The following SPATA13 variants were observed in gnomAD, a reference collection of about 807,000 sequenced individuals.
SPATA13 encodes the protein spermatogenesis associated 13.
Under a neutral mutation model 104.0 loss-of-function variants are expected in SPATA13, and 50 were observed. The ratio of observed to expected loss-of-function variants is 0.48; its 90% confidence interval spans 0.38 to 0.61. The LOEUF (loss-of-function observed/expected upper bound fraction) is 0.61, where lower values mean the gene tolerates loss of function less well. Ranked by LOEUF, SPATA13 falls within the 20% of genes least tolerant of loss-of-function variation. The pLI, the probability that SPATA13 is intolerant of heterozygous loss-of-function variation, is 0.00. For missense variants in SPATA13, 1,524 were observed against 1,690.6 expected, an observed-to-expected ratio of 0.90 and a Z score of 1.73; for synonymous variants, 606 against 667.5, an observed-to-expected ratio of 0.91 and a Z score of 1.42.
rs191356720 is a variant in SPATA13 at position 24,227,372 on chromosome 13, C to T, written c.1653+2790C>T. On this transcript the variant is annotated intron_variant, in intron 2 of 12. Coordinates refer to ENST00000382108, the MANE Select transcript of SPATA13 (RefSeq NM_001166271.3). ...AGTTATTTGCCAGGGTGATTTTGAC[C>T]ATTTTATGGTTTTATATGTATATTT... Among the ~76,000 whole-genome samples, 20 of 152,160 alleles carry T rather than the reference C, an allele frequency of 1.3e-4. No individual in the cohort carries two copies. In the East Asian group the frequency reaches 3.1e-3, roughly 23 times the overall value.
upstream of SPATA13, among the ~76,000 whole-genome samples, chr13:24,157,431 T>G (rs1347962248): frequency 6.6e-6 from 1 of 152,178 alleles, no homozygotes; most frequent in Non-Finnish European, 1.5e-5. Context: ...CCGGAGTAGC[T>G]GGGACTACAG....
chr13:24,109,076 A>G (rs1303398794), intron 3 of SPATA13, among the ~76,000 whole-genome samples: 1 of 152,108 alleles, frequency 6.6e-6, no homozygotes, highest in Non-Finnish European at 1.5e-5. Context: ...ACTCATTTAC[A>G]TTAGGTATTT....
chr13:24,044,883 A>AGGAGGGGGTGGG (rs1485690361), intron 3 of SPATA13, among the ~76,000 whole-genome samples: 2 of 3,912 alleles, frequency 5.1e-4, no homozygotes, highest in Non-Finnish European at 8.7e-4. Flanking sequence ...TGGTTTCCAG[A>AGGAGGGGGTGGG]GGAGGGGGTG....
chr13:24,287,030 C>G, intron 7 of SPATA13, 80 bp downstream of exon 7: 2 of 1,195,232 alleles, frequency 1.7e-6, no homozygotes, highest in South Asian at 1.5e-5. Flanking sequence ...CCCACCTCCA[C>G]CCCCCGCCCC....
chr13:24,038,415 C>T (rs557404437), intron 3 of SPATA13, among the ~76,000 whole-genome samples: 9 of 152,300 alleles, frequency 5.9e-5, no homozygotes, highest in African/African-American at 2.2e-4. Flanking sequence ...CCAACATAGT[C>T]TGTGTTGGGA....
chr13:24,242,754 T>C (rs891012446), intron 2 of SPATA13, among the ~76,000 whole-genome samples: 2 of 152,176 alleles, frequency 1.3e-5, no homozygotes, highest in African/African-American at 2.4e-5. Context: ...CTCAAACTTA[T>C]CTCTTTCTGC....
At chr13:24,095,586 A>G (rs980777490) in intron 3 of SPATA13, among the ~76,000 whole-genome samples, 5 of 152,248 alleles carry the variant, frequency 3.3e-5, no homozygotes, top group African/African-American at 1.2e-4. Flanking sequence ...ATATTTTGCC[A>G]CAGTTAAAAA....
chr13:24,021,464 G>A (rs1279647237), intron 3 of SPATA13, among the ~76,000 whole-genome samples: 2 of 152,208 alleles, frequency 1.3e-5, no homozygotes, highest in Non-Finnish European at 2.9e-5. Context: ...CTCTACTCCA[G>A]TCTGGGTGAC....
chr13:24,233,025 T>G (rs1021675001), intron 2 of SPATA13, among the ~76,000 whole-genome samples: 4 of 152,214 alleles, frequency 2.6e-5, no homozygotes, highest in Non-Finnish European at 1.5e-5. Context: ...TGCCCCATGT[T>G]TAGTTGTTTT....
chr13:24,264,631 T>A (rs1024855689), intron 4 of SPATA13, among the ~76,000 whole-genome samples: 1 of 152,232 alleles, frequency 6.6e-6, no homozygotes, highest in East Asian at 1.9e-4. Flanking sequence ...ATAATTGCCT[T>A]CTATTAAGAC....
chr13:24,141,799 A>AT (rs1206943923), intron 3 of SPATA13, among the ~76,000 whole-genome samples: 3 of 152,286 alleles, frequency 2.0e-5, no homozygotes, highest in Non-Finnish European at 4.4e-5. Flanking sequence ...GAACGTTGTT[A>AT]TTTTTTCTAA....
intron 7 of SPATA13, among the ~76,000 whole-genome samples, chr13:24,287,834 G>A (rs1055046036): frequency 6.6e-6 from 1 of 152,200 alleles, no homozygotes; most frequent in East Asian, 1.9e-4. Context: ...TATGGATTGT[G>A]TACGAGCATC....
At position 24,294,805 on chromosome 13, in the gene SPATA13, C is replaced by G. The variant is rs769050534; in HGVS notation, c.3147C>G (p.Arg1049=). Residue 1049 remains arginine, a synonymous_variant, in exon 10 of 13, where the codon CGC becomes CGG. Coordinates refer to ENST00000382108, the MANE Select transcript of SPATA13 (RefSeq NM_001166271.3). ...MKNVACLINE[R]KRKLESIDKI... is the part of the protein sequence containing the mutation. ...ATGTGGCCTGTCTGATCAACGAGCGCAAGCGCAAGCTGGAGAGCATCGACA... is the reference window on the plus strand; with the variant it reads ...ATGTGGCCTGTCTGATCAACGAGCGGAAGCGCAAGCTGGAGAGCATCGACA... The G allele has an allele frequency of 1.3e-5, 21 of 1,611,466 alleles. 1 individual carries two copies. In the East Asian group the frequency reaches 1.6e-4, roughly 12 times the overall value.
chr13:23,980,632 G>T (rs369111933), intron 1 of SPATA13, among the ~76,000 whole-genome samples: 19 of 152,256 alleles, frequency 1.2e-4, no homozygotes, highest in African/African-American at 4.3e-4. Context: ...TTACTTTGTC[G>T]CCCAGGTTGG....
rs779735248 is a variant in SPATA13, at chr13:24,300,395, A to G, written c.3584-6A>G. The G allele has an allele frequency of 6.2e-7, 1 of 1,612,222 alleles. No homozygotes were observed. The highest frequency in any genetic ancestry group is 1.7e-5 in the Admixed American group (1 of 59,738). The stretch of plus-strand genomic sequence containing the variant: ...GAATATATATCACATTTATTTCTAA[A>G]TGCAGGAATGGAAATTTCAGAAAAC... On this transcript the variant is annotated splice_region_variant and splice_polypyrimidine_tract_variant and intron_variant, in intron 11 of 12. Coordinates refer to ENST00000382108, the MANE Select transcript of SPATA13 (RefSeq NM_001166271.3).
At chr13:24,218,310 G>A (rs987417386) in intron 1 of SPATA13, among the ~76,000 whole-genome samples, 2 of 151,098 alleles carry the variant, frequency 1.3e-5, no homozygotes, top group African/African-American at 4.8e-5. Flanking sequence ...GAGTCGCTTA[G>A]ACCTGGTGTA....
At chr13:24,104,019 C>A (rs1040880318) in intron 3 of SPATA13, among the ~76,000 whole-genome samples, 22 of 152,208 alleles carry the variant, frequency 1.4e-4, no homozygotes, top group Non-Finnish European at 2.8e-4. Flanking sequence ...TCTTTTCCTG[C>A]AGCCTTTCTC....
intron 1 of SPATA13, among the ~76,000 whole-genome samples, chr13:24,190,276 A>ACAT (rs1566141574): frequency 5.5e-4 from 1 of 1,834 alleles, no homozygotes; most frequent in African/African-American, 7.1e-4. Context: ...ATATATTATT[A>ACAT]TATATAATAT....
chr13:24,084,443 T>C (rs1158098717), intron 3 of SPATA13, among the ~76,000 whole-genome samples: 2 of 152,186 alleles, frequency 1.3e-5, no homozygotes, highest in Non-Finnish European at 2.9e-5. Context: ...ACGTGCGAGG[T>C]ACACAGGACA....
Sources: allele counts gnomAD v4.1 joint callset (sites outside exome capture counted in the v4.1 genomes callset), GRCh38; gene constraint gnomAD v4.1.1; transcripts MANE v1.5; gene names NCBI Gene and HGNC (gene_info 2026-07-23, HGNC 2026-07-21).